The following FSHR variants were observed in gnomAD, a reference collection of about 807,000 sequenced individuals.
FSHR encodes follicle-stimulating hormone receptor.
A neutral mutation model predicts 52.1 loss-of-function variants in FSHR; 46 were observed. The observed-to-expected ratio is 0.88, with a 90% CI of 0.70 to 1.13. The LOEUF is 1.13. FSHR is among the 50% of genes most tolerant of loss of function. The pLI, the probability that FSHR is intolerant of heterozygous loss-of-function variation, is 0.00. For missense variants in FSHR, 964 were observed against 834.6 expected (o/e 1.16, Z -1.91); for synonymous variants, 399 against 309.6 (o/e 1.29, Z -3.03).
chr2:48,977,757 T>G (rs556407095), intron 8 of FSHR, among the ~76,000 whole-genome samples: 1 of 152,318 alleles, frequency 6.6e-6, no homozygotes, highest in East Asian at 1.9e-4. Context: ...ACACAGTAGG[T>G]GTTTAATCAA....
intron 1 of FSHR, 70 bp from the exon 2 acceptor site, chr2:49,068,360 A>C (rs1669591449): frequency 7.8e-7 from 1 of 1,286,408 alleles, no homozygotes; most frequent in East Asian, 2.3e-5. Context: ...TAATGTATTC[A>C]TATCAGCAAA....
chr2:49,114,877 A>T (rs1327090795), intron 1 of FSHR, among the ~76,000 whole-genome samples: 1 of 152,066 alleles, frequency 6.6e-6, no homozygotes, highest in East Asian at 1.9e-4. Flanking sequence ...TGGTAGAATC[A>T]ATGTGGTATG....
chr2:48,997,353 T>G (rs1676068648), intron 4 of FSHR: 2 of 984,970 alleles, frequency 2.0e-6, no homozygotes, highest in Non-Finnish European at 2.4e-6. Context: ...CCAAACTCCT[T>G]AGTAATCAGG....
intron 2 of FSHR, among the ~76,000 whole-genome samples, chr2:49,052,889 G>GAA (rs1668922526): frequency 6.6e-6 from 1 of 152,180 alleles, no homozygotes; most frequent in Non-Finnish European, 1.5e-5. Flanking sequence ...TACAGTTCTG[G>GAA]TTACCTGATT....
intron 2 of FSHR, among the ~76,000 whole-genome samples, chr2:49,061,690 T>G (rs1294847247): frequency 2.5e-4 from 36 of 141,532 alleles, no homozygotes; most frequent in Non-Finnish European, 5.0e-4. Flanking sequence ...TAACTATATA[T>G]TTATATTTAT....
chr2:49,008,437 T>C (rs1379356884), intron 4 of FSHR, among the ~76,000 whole-genome samples: 1 of 151,636 alleles, frequency 6.6e-6, no homozygotes, highest in Admixed American at 6.6e-5. Context: ...TGTTGGACAT[T>C]TGGGTTTGTT....
intron 1 of FSHR, among the ~76,000 whole-genome samples, chr2:49,077,382 G>A (rs1381435440): frequency 6.6e-6 from 1 of 152,176 alleles, no homozygotes; most frequent in Non-Finnish European, 1.5e-5. Context: ...GGAACACAGG[G>A]CGCTAAGTCC....
intron 4 of FSHR, among the ~76,000 whole-genome samples, chr2:49,012,550 C>A (rs1667312377): frequency 6.6e-6 from 1 of 152,124 alleles, no homozygotes; most frequent in African/African-American, 2.4e-5. Flanking sequence ...TTCAGAACAA[C>A]ATTTTTAAGT....
intron 1 of FSHR, among the ~76,000 whole-genome samples, chr2:49,143,990 T>C (rs1504179): frequency 1.3e-5 from 2 of 151,834 alleles, no homozygotes; most frequent in African/African-American, 4.8e-5. Flanking sequence ...AGAACAGTCA[T>C]GGGAGTGCCC....
In FSHR at chr2:48,968,635, G is replaced by T; in HGVS notation, c.854+63C>A. 4.4e-6 allele frequency: 7 copies of T among 1,574,316 alleles called. No homozygotes were observed. The South Asian group carries it at 7.8e-5, about 17-fold the overall frequency. On this transcript the variant is annotated intron_variant, in intron 9 of 9. Coordinates refer to ENST00000406846, the MANE Select transcript of FSHR (RefSeq NM_000145.4). ...ATTCTCTTCATGTCACAGATAGGTA[G>T]AAATTGTGGACAAAGTTCTACATTG...
At position 48,976,444 on chromosome 2, in the gene FSHR, T is replaced by A. The variant is rs193198159; in HGVS notation, c.668+6468A>T. Among the ~76,000 whole-genome samples the A allele has an allele frequency of 1.5e-4, 23 of 152,232 alleles. No homozygotes were observed. The East Asian group carries it at 3.7e-3, about 24-fold the overall frequency. On this transcript the variant is annotated intron_variant, in intron 8 of 9. Coordinates refer to ENST00000406846, the MANE Select transcript of FSHR (RefSeq NM_000145.4). Reference sequence around the variant, plus strand: ...TTCATCAGGGATATTGGCCTGAAATTTTTCTTTTTCTTGTCTCTGCCAGGT... The same window carrying A: ...TTCATCAGGGATATTGGCCTGAAATATTTCTTTTTCTTGTCTCTGCCAGGT...
At chr2:49,100,205 G>T (rs1040139515) in intron 1 of FSHR, among the ~76,000 whole-genome samples, 1 of 152,114 alleles carries the variant, frequency 6.6e-6, no homozygotes, top group Non-Finnish European at 1.5e-5. Flanking sequence ...TAGCTATATA[G>T]AAGGTGGTAG....
chr2:49,051,211 G>T (rs997055938), intron 2 of FSHR, among the ~76,000 whole-genome samples: 5 of 152,050 alleles, frequency 3.3e-5, no homozygotes, highest in African/African-American at 7.2e-5. Flanking sequence ...TGCAGTCTCT[G>T]TGTAGAAATA....
At chr2:48,996,059 C>T (rs903148032) in intron 4 of FSHR, among the ~76,000 whole-genome samples, 10 of 152,060 alleles carry the variant, frequency 6.6e-5, no homozygotes, top group East Asian at 1.9e-4. Flanking sequence ...TTAGCCAAAG[C>T]GCATTTCCTA....
At chr2:49,065,361 G>T (rs1397163116) in intron 2 of FSHR, among the ~76,000 whole-genome samples, 1 of 152,012 alleles carries the variant, frequency 6.6e-6, no homozygotes, top group East Asian at 1.9e-4. Context: ...GAGACTTTGG[G>T]TCTAATAGTA....
At chr2:49,136,103 A>G (rs2103823851) in intron 1 of FSHR, among the ~76,000 whole-genome samples, 1 of 152,312 alleles carries the variant, frequency 6.6e-6, no homozygotes, top group South Asian at 2.1e-4. Context: ...GATTAAAAAA[A>G]GAAGACAAAC....
chr2:49,038,574 G>A (rs920860224), intron 2 of FSHR, among the ~76,000 whole-genome samples: 32 of 148,212 alleles, frequency 2.2e-4, no homozygotes, highest in Admixed American at 5.4e-4. Context: ...GCAGTGAGCC[G>A]AGATCGCGCC....
At chr2:49,089,449 G>C (rs1192018002) in intron 1 of FSHR, among the ~76,000 whole-genome samples, 1 of 152,160 alleles carries the variant, frequency 6.6e-6, no homozygotes, top group Non-Finnish European at 1.5e-5. Context: ...TGTTGAAATA[G>C]AGGAAAGGCA....
At chr2:49,015,388 C>G (rs1667448770) in intron 4 of FSHR, among the ~76,000 whole-genome samples, 1 of 152,126 alleles carries the variant, frequency 6.6e-6, no homozygotes, top group Admixed American at 6.5e-5. Context: ...GCTGGTAGAC[C>G]TTGAGTATTT....
Sources: gnomAD v4.1 joint callset for allele counts (sites outside exome capture counted in the v4.1 genomes callset) on GRCh38, gnomAD v4.1.1 for gene constraint, MANE v1.5 for transcripts, NCBI Gene and HGNC (gene_info 2026-07-23, HGNC 2026-07-21) for gene names.